The following EBF1 variants were observed in gnomAD, a reference collection of about 807,000 sequenced individuals.
EBF1 encodes transcription factor COE1.
A neutral mutation model predicts 68.4 loss-of-function variants in EBF1; 10 were observed. The ratio of observed to expected loss-of-function variants is 0.15; its 90% CI spans 0.09 to 0.25. The LOEUF (loss-of-function observed/expected upper bound fraction) is 0.25. Among genes scored for constraint, EBF1 ranks in the 10% least tolerant of loss-of-function variants. The probability of loss-of-function intolerance (pLI) is 1.00; values close to 1 mark genes in which losing one functional copy is unlikely to be tolerated. For missense variants in EBF1, 509 were observed against 794.4 expected, an observed-to-expected ratio of 0.64 and a Z score of 4.32; for synonymous variants, 298 against 299.8, an observed-to-expected ratio of 0.99 and a Z score of 0.06.
chr5:158,844,551 C>T lies in EBF1; in HGVS notation c.555-4441G>A, dbSNP rs148719108. Among the ~76,000 whole-genome samples, 998 of 152,204 alleles carry T rather than the reference C, an allele frequency of 6.6e-3. 14 individuals carry two copies. The highest frequency in any genetic ancestry group is 0.023 in the African/African-American group (944 of 41,504). The stretch of plus-strand genomic sequence containing the variant: ...CACTTAGTCTAACCTCCTCATTTTG[C>T]CTATGAGAAAAATTAGGCATCAGAA... On this transcript the variant is annotated intron_variant, in intron 6 of 15. Transcript: ENST00000313708.
rs77534414 is a variant in EBF1, at chr5:159,070,701, G to C, written c.554+2695C>G. On this transcript the variant is annotated intron_variant, in intron 6 of 15. Coordinates refer to ENST00000313708, the MANE Select transcript of EBF1 (RefSeq NM_024007.5). ...TTATTGGTGCTCAAAAGTTGACTGC[G>C]TGTTAAAACTATGCTAAATCCTAAC... is the stretch of plus-strand genomic sequence containing the variant. Among the ~76,000 whole-genome samples, 317 of 152,294 alleles carry C rather than the reference G, an allele frequency of 2.1e-3. 13 individuals carry two copies. The East Asian group carries it at 0.053, about 26-fold the overall frequency.
At chr5:158,723,039 GA>G in intron 11 of EBF1, among the ~76,000 whole-genome samples, 1 of 152,238 alleles carries the variant, frequency 6.6e-6, no homozygotes, top group South Asian at 2.1e-4. Flanking sequence ...TGCTAAAAAG[GA>G]ACTCGAAAGA....
chr5:158,944,583 C>T (rs563603134), intron 6 of EBF1, among the ~76,000 whole-genome samples: 5 of 152,320 alleles, frequency 3.3e-5, no homozygotes, highest in Non-Finnish European at 7.4e-5. Flanking sequence ...GGTATACACC[C>T]AGTAACGGGA....
rs373736738 is a variant in EBF1, at chr5:159,001,737, G to A, written c.554+71659C>T. On this transcript the variant is annotated intron_variant, in intron 6 of 15. Coordinates refer to ENST00000313708, the MANE Select transcript of EBF1 (RefSeq NM_024007.5). ...CAGATGAAGGTTCCTCCTCTCAGGG[G>A]CTATAGGACCACATAGCTGTTAAGC... is the stretch of plus-strand genomic sequence containing the variant. Among the ~76,000 whole-genome samples the A allele has an allele frequency of 5.9e-5, 9 of 152,164 alleles. 1 individual carries two copies. Among genetic ancestry groups the A allele is most frequent in the East Asian group, 3.8e-4 (2 of 5,200 alleles).
chr5:159,092,911 T>A (rs1378259981), intron 4 of EBF1, among the ~76,000 whole-genome samples: 1 of 152,168 alleles, frequency 6.6e-6, no homozygotes, highest in African/African-American at 2.4e-5. Context: ...AAAAATGTAA[T>A]CATTTAATCC....
chr5:158,774,802 G>C (rs924966143), intron 10 of EBF1, among the ~76,000 whole-genome samples: 12 of 152,092 alleles, frequency 7.9e-5, no homozygotes, highest in African/African-American at 2.9e-4. Context: ...TAATGCTAAT[G>C]ATCAAAAGGT....
chr5:158,750,376 C>T (rs1768543620), intron 10 of EBF1, among the ~76,000 whole-genome samples: 1 of 152,022 alleles, frequency 6.6e-6, no homozygotes, highest in Non-Finnish European at 1.5e-5. Context: ...GAAATAGATT[C>T]CATTCTCTCT....
chr5:158,949,846 A>G (rs943507729), intron 6 of EBF1, among the ~76,000 whole-genome samples: 11 of 152,244 alleles, frequency 7.2e-5, no homozygotes, highest in Non-Finnish European at 1.5e-4. Context: ...TTAGATATTC[A>G]TTCCCTAATT....
intron 7 of EBF1, among the ~76,000 whole-genome samples, chr5:158,828,496 A>G (rs998581758): frequency 6.6e-6 from 1 of 152,222 alleles, no homozygotes. Flanking sequence ...AAAATTCCCT[A>G]TATAAGGACT....
intron 6 of EBF1, among the ~76,000 whole-genome samples, chr5:158,888,241 C>T (rs1035448959): frequency 6.6e-6 from 1 of 151,862 alleles, no homozygotes; most frequent in Non-Finnish European, 1.5e-5. Context: ...AAAATTCACT[C>T]CTCATTTTTT....
rs1247281285 is a variant in EBF1, at chr5:158,696,471, T to C, written c.*2640A>G. 9 of 223,046 alleles carry C rather than the reference T, an allele frequency of 4.0e-5. No homozygotes were observed. Among genetic ancestry groups the C allele is most frequent in the Non-Finnish European group, 8.1e-5 (9 of 111,742 alleles). 13.8% of individuals were successfully genotyped at this position (223,046 alleles called of 1,614,324 possible). On this transcript the variant is annotated 3_prime_UTR_variant, in exon 16 of 16. Transcript: ENST00000313708. ...TTGTCAAGGTCTAAGCCGGACACCT[T>C]CCCGGCTGACCGTTCATTCCTTCAG...
chr5:158,806,010 T>C (rs557631119), intron 8 of EBF1, among the ~76,000 whole-genome samples: 1 of 152,234 alleles, frequency 6.6e-6, no homozygotes, highest in African/African-American at 2.4e-5. Flanking sequence ...AGCTATAATT[T>C]GAGCTTAAAC....
chr5:158,968,040 G>A (rs1399963497), intron 6 of EBF1, among the ~76,000 whole-genome samples: 5 of 152,010 alleles, frequency 3.3e-5, no homozygotes, highest in Admixed American at 6.6e-5. Context: ...ACTCATTCCC[G>A]TTAAGTACCA....
At chr5:158,704,815 AG>A (rs1296173750) in intron 15 of EBF1, among the ~76,000 whole-genome samples, 5 of 152,194 alleles carry the variant, frequency 3.3e-5, no homozygotes, top group Non-Finnish European at 7.3e-5. Context: ...GGCAAGTCCC[AG>A]AGTGTGGGCC....
chr5:158,714,513 C>T (rs1478081118), intron 11 of EBF1, among the ~76,000 whole-genome samples: 4 of 124,188 alleles, frequency 3.2e-5, no homozygotes, highest in East Asian at 2.0e-4. Context: ...GTCATTCAGT[C>T]GTGGTATGAA....
chr5:159,080,546 C>T (rs1779576964), intron 5 of EBF1, among the ~76,000 whole-genome samples: 1 of 152,200 alleles, frequency 6.6e-6, no homozygotes, highest in Admixed American at 6.5e-5. Context: ...CACTTTGATT[C>T]AAAGTTCTTT....
intron 11 of EBF1, among the ~76,000 whole-genome samples, chr5:158,730,206 G>A (rs1763813387): frequency 6.6e-6 from 1 of 152,194 alleles, no homozygotes; most frequent in Non-Finnish European, 1.5e-5. Context: ...GTGAATGCAA[G>A]CTCAACGAAT....
At position 158,798,102 on chromosome 5, in the gene EBF1, C is replaced by A. The variant is rs1482449365; in HGVS notation, c.779-1627G>T. Among the ~76,000 whole-genome samples the A allele has an allele frequency of 5.9e-5, 9 of 152,262 alleles. No individual in the cohort carries two copies. In the East Asian group the frequency reaches 1.7e-3, roughly 29 times the overall value. On this transcript the variant is annotated intron_variant, in intron 8 of 15. Transcript: ENST00000313708. ...AAGAGAAATAAACTATATTTAACAA[C>A]TACATAAAGTTCTAAAAATATATGC...
intron 10 of EBF1, among the ~76,000 whole-genome samples, chr5:158,747,104 C>T (rs1767756944): frequency 6.6e-6 from 1 of 152,156 alleles, no homozygotes; most frequent in African/African-American, 2.4e-5. Flanking sequence ...CTGCAAAAAT[C>T]TTCCTTCAGC....
Sources: gnomAD v4.1 joint callset for allele counts (sites outside exome capture counted in the v4.1 genomes callset) on GRCh38, gnomAD v4.1.1 for gene constraint, MANE v1.5 for transcripts, NCBI Gene and HGNC (gene_info 2026-07-23, HGNC 2026-07-21) for gene names.